TCF20: variants seen among roughly 807,000 people sequenced by gnomAD.
TCF20 encodes the protein SPRE-binding protein.
A neutral mutation model predicts 148.6 loss-of-function variants in TCF20; 3 were observed. The observed-to-expected ratio is 0.02, with a 90% confidence interval of 0.01 to 0.05. The LOEUF (loss-of-function observed/expected upper bound fraction) is 0.05. Ranked by LOEUF, TCF20 falls within the 10% of genes least tolerant of loss-of-function variation. The pLI is 1.00. For missense variants in TCF20, 2,350 were observed against 2,429.3 expected, an observed-to-expected ratio of 0.97 and a Z score of 0.69; for synonymous variants, 1,049 against 909.5, an observed-to-expected ratio of 1.15 and a Z score of -2.76.
chr22:42,173,875 C>T (rs1011430653), intron 3 of TCF20, among the ~76,000 whole-genome samples: 1 of 152,188 alleles, frequency 6.6e-6, no homozygotes, highest in Non-Finnish European at 1.5e-5. Context: ...CCTCACTCCT[C>T]CCAACCCAGA....
At chr22:42,323,884 A>ATGGTGGTGG (rs1927787360) in intron 1 of TCF20, among the ~76,000 whole-genome samples, 2 of 34,022 alleles carry the variant, frequency 5.9e-5, no homozygotes, top group Non-Finnish European at 1.5e-4. Context: ...GGTGGTGGTG[A>ATGGTGGTGG]TGGAGGTTAT....
At chr22:42,314,925 G>A (rs1219391143) in intron 1 of TCF20, among the ~76,000 whole-genome samples, 3 of 152,070 alleles carry the variant, frequency 2.0e-5, no homozygotes, top group African/African-American at 7.2e-5. Context: ...AGAGCGGAAG[G>A]CCCTCACAGC....
chr22:42,184,987 A>C (rs1936976813), intron 2 of TCF20, among the ~76,000 whole-genome samples: 1 of 152,236 alleles, frequency 6.6e-6, no homozygotes. Context: ...GCAAGGACTG[A>C]GTCAACTAGC....
Position 42,295,119 on chromosome 22 carries a change from C to A in TCF20, c.-37+48360G>T, listed in dbSNP as rs185142630. Among the ~76,000 whole-genome samples, 299 of 152,316 alleles carry A rather than the reference C, an allele frequency of 2.0e-3. 1 individual carries two copies. Among genetic ancestry groups the A allele is most frequent in the African/African-American group, 6.8e-3 (283 of 41,574 alleles). On this transcript the variant is annotated intron_variant, in intron 1 of 1. Coordinates refer to the TCF20 transcript ENST00000515426. Reference sequence around the variant, plus strand: ...AGATGACAGCGTGGGGGGCAGGGCACAGGAGGAGAGAGGGTGACACAGTCT... The same window carrying A: ...AGATGACAGCGTGGGGGGCAGGGCAAAGGAGGAGAGAGGGTGACACAGTCT...
chr22:42,179,376 A>G (rs1020750013), intron 3 of TCF20, among the ~76,000 whole-genome samples: 3 of 147,128 alleles, frequency 2.0e-5, no homozygotes, highest in Non-Finnish European at 4.4e-5. Context: ...GCTTAAAGGG[A>G]AAAAAAAATC....
chr22:42,251,653 C>T (rs1925381260), intron 1 of TCF20, among the ~76,000 whole-genome samples: 1 of 151,240 alleles, frequency 6.6e-6, no homozygotes, highest in South Asian at 2.1e-4. Flanking sequence ...CAGGCACTTG[C>T]AACCATGCCT....
chr22:42,222,648 C>T (rs1374887158), intron 1 of TCF20, among the ~76,000 whole-genome samples: 1 of 152,104 alleles, frequency 6.6e-6, no homozygotes, highest in Non-Finnish European at 1.5e-5. Context: ...CCCATAAATT[C>T]CTTCTTGCCA....
intron 1 of TCF20, among the ~76,000 whole-genome samples, chr22:42,255,258 G>A (rs989709431): frequency 2.6e-5 from 4 of 151,884 alleles, no homozygotes; most frequent in Admixed American, 1.3e-4. Flanking sequence ...AGGCCAAGGC[G>A]GGCGGATCAC....
At chr22:42,275,828 A>G (rs1569198676) in intron 1 of TCF20, among the ~76,000 whole-genome samples, 1 of 152,184 alleles carries the variant, frequency 6.6e-6, no homozygotes. Context: ...ATATGAAATG[A>G]TCTAAGAGTC....
chr22:42,214,239 G>A lies in TCF20; in HGVS notation c.1067C>T (p.Ser356Phe). 6.2e-7 allele frequency: 1 copy of A among 1,614,184 alleles called. No homozygotes were observed. Among genetic ancestry groups the A allele is most frequent in the Non-Finnish European group, 8.5e-7 (1 of 1,180,040 alleles). ...GAAGTTCTGGTGAAACTGCATGGGGGACCTCACAGGAACCTCAGGCTGGTT... is the reference window on the plus strand; with the variant it reads ...GAAGTTCTGGTGAAACTGCATGGGGAACCTCACAGGAACCTCAGGCTGGTT... The part of the protein sequence containing the change: ...QYNQPEVPVR[S>F]PMQFHQNFSP... Residue 356 changes from serine (S) to phenylalanine (F), a missense_variant, in exon 2 of 6, where the codon TCC (serine) becomes TTC (phenylalanine). Physicochemically the swap from Ser to Phe is radical, Grantham distance 155. Coordinates refer to ENST00000677622, the MANE Select transcript of TCF20 (RefSeq NM_001378418.1).
At chr22:42,286,065 C>G (rs532358160), upstream of TCF20, among the ~76,000 whole-genome samples, 580 of 152,222 alleles carry the variant, frequency 3.8e-3, 4 homozygotes, top group African/African-American at 0.012. Context: ...ACTGGGTGAC[C>G]TTAGACAAGC....
At chr22:42,321,062 C>T (rs1328114785) in intron 1 of TCF20, among the ~76,000 whole-genome samples, 3 of 152,240 alleles carry the variant, frequency 2.0e-5, no homozygotes. Flanking sequence ...TCAGGCAACG[C>T]AGACTTACAG....
chr22:42,168,157 A>C (rs181974903), intron 5 of TCF20, among the ~76,000 whole-genome samples: 2 of 152,210 alleles, frequency 1.3e-5, no homozygotes, highest in Non-Finnish European at 2.9e-5. Flanking sequence ...CTAATAACAA[A>C]ACCCAAGAGT....
At position 42,160,353 on chromosome 22, in the gene TCF20, C is replaced by G. The variant is rs369463265; in HGVS notation, c.*1050G>C. On this transcript the variant is annotated 3_prime_UTR_variant, in exon 6 of 6. Coordinates refer to ENST00000677622, the MANE Select transcript of TCF20 (RefSeq NM_001378418.1). ...AATGGGTGTTCCTGGTCAGCTTAACCCACTCTGATCACAGCGACAGTCCCT... is the reference window on the plus strand; with the variant it reads ...AATGGGTGTTCCTGGTCAGCTTAACGCACTCTGATCACAGCGACAGTCCCT... 1 of 152,488 alleles carries G rather than the reference C, an allele frequency of 6.6e-6. No individual in the cohort carries two copies. The highest frequency in any genetic ancestry group is 1.9e-4 in the East Asian group (1 of 5,192). 9.4% of individuals were successfully genotyped at this position (152,488 alleles called of 1,614,324 possible).
chr22:42,262,098 A>C (rs933229532), intron 1 of TCF20, among the ~76,000 whole-genome samples: 1 of 152,234 alleles, frequency 6.6e-6, no homozygotes, highest in African/African-American at 2.4e-5. Flanking sequence ...TCAGAGAGGC[A>C]GGCAGAAGCC....
intron 1 of TCF20, among the ~76,000 whole-genome samples, chr22:42,336,111 ACTC>A (rs1240165507): frequency 6.6e-6 from 1 of 152,180 alleles, no homozygotes; most frequent in Non-Finnish European, 1.5e-5. Context: ...GGTTGGGTGA[ACTC>A]CTCATTGCAG....
chr22:42,258,924 C>T (rs1245729721), intron 1 of TCF20, among the ~76,000 whole-genome samples: 1 of 152,198 alleles, frequency 6.6e-6, no homozygotes, highest in East Asian at 1.9e-4. Context: ...CTGTATTTTA[C>T]TTTTCTCTAA....
chr22:42,243,611 C>CA (rs1569180650), intron 1 of TCF20, among the ~76,000 whole-genome samples: 1 of 151,582 alleles, frequency 6.6e-6, no homozygotes. Context: ...CAAAAACAAA[C>CA]AAAAAAAGGT....
At chr22:42,323,082 T>G (rs1202971674) in intron 1 of TCF20, among the ~76,000 whole-genome samples, 1 of 151,584 alleles carries the variant, frequency 6.6e-6, no homozygotes, top group Non-Finnish European at 1.5e-5. Flanking sequence ...GATTTTGTAT[T>G]TTTAGTAGAA....
Sources: allele counts gnomAD v4.1 joint callset (sites outside exome capture counted in the v4.1 genomes callset), GRCh38; gene constraint gnomAD v4.1.1; transcripts MANE v1.5; gene names NCBI Gene and HGNC (gene_info 2026-07-23, HGNC 2026-07-21).